STK3: variants seen among roughly 807,000 people sequenced by gnomAD.
STK3 encodes serine/threonine kinase 3, also known as serine/threonine-protein kinase 3.
In STK3, 41 loss-of-function variants were observed where a neutral mutation model predicts 58.0. That is an observed-to-expected ratio of 0.71 (90% CI 0.55 to 0.92). STK3 has a LOEUF of 0.92. STK3 is among the 40% of genes least tolerant of loss of function. The pLI, the probability that STK3 is intolerant of heterozygous loss-of-function variation, is 0.00. For synonymous variants in STK3, 170 were observed against 191.0 expected (o/e 0.89, Z 0.91); for missense variants, 479 against 602.7 (o/e 0.79, Z 2.15).
At chr8:98,625,437 C>T (rs968400730) in intron 6 of STK3, among the ~76,000 whole-genome samples, 1 of 152,162 alleles carries the variant, frequency 6.6e-6, no homozygotes, top group African/African-American at 2.4e-5. Context: ...CCCAGTCCCA[C>T]CTCTACAAGC....
chr8:98,684,037 C>A (rs1197249961), intron 6 of STK3, among the ~76,000 whole-genome samples: 1 of 152,132 alleles, frequency 6.6e-6, no homozygotes, highest in Non-Finnish European at 1.5e-5. Context: ...ATAAGATGTG[C>A]TGACTGAATT....
chr8:98,709,926 A>ATT (rs142232204), intron 4 of STK3, among the ~76,000 whole-genome samples: 180 of 150,522 alleles, frequency 1.2e-3, no homozygotes, highest in African/African-American at 4.2e-3. Context: ...AGTTTTTGCC[A>ATT]TTTTTTTTTT....
intron 1 of STK3, among the ~76,000 whole-genome samples, chr8:98,801,377 G>C (rs764186095): frequency 2.0e-5 from 3 of 152,060 alleles, no homozygotes; most frequent in Admixed American, 6.6e-5. Context: ...TAACCCGCTC[G>C]GTCCCCTTCC....
intron 1 of STK3, among the ~76,000 whole-genome samples, chr8:98,819,230 C>T (rs1198752491): frequency 6.6e-6 from 1 of 152,116 alleles, no homozygotes; most frequent in African/African-American, 2.4e-5. Context: ...GCAATTGTCC[C>T]ACCTCTACCT....
chr8:98,394,333 C>CA (rs1563591471), intron 3 of STK3, among the ~76,000 whole-genome samples: 1 of 149,714 alleles, frequency 6.7e-6, no homozygotes. Context: ...TCTGATTGAA[C>CA]TTTTTTTTTT....
At chr8:98,924,790 G>A (rs1274266338) in intron 1 of STK3, among the ~76,000 whole-genome samples, 1 of 152,176 alleles carries the variant, frequency 6.6e-6, no homozygotes, top group Admixed American at 6.6e-5. Flanking sequence ...CTAGGTCTGC[G>A]GAAAGCAGAA....
intron 6 of STK3, among the ~76,000 whole-genome samples, chr8:98,625,688 T>G (rs1316790205): frequency 6.6e-6 from 1 of 152,168 alleles, no homozygotes; most frequent in East Asian, 1.9e-4. Context: ...CGAATCTATT[T>G]GGCAAAATTT....
At chr8:98,840,473 A>G (rs1402378232) in intron 3 of STK3, among the ~76,000 whole-genome samples, 3 of 148,598 alleles carry the variant, frequency 2.0e-5, no homozygotes, top group Admixed American at 6.7e-5. Context: ...TCAGGAGACT[A>G]AGGCAGGAGG....
intron 6 of STK3, among the ~76,000 whole-genome samples, chr8:98,600,567 T>C (rs780132531): frequency 6.6e-6 from 1 of 152,210 alleles, no homozygotes; most frequent in Non-Finnish European, 1.5e-5. Context: ...TAGCATATGC[T>C]ACCTCACATT....
intron 1 of STK3, among the ~76,000 whole-genome samples, chr8:98,447,262 G>A (rs1214242317): frequency 1.3e-5 from 2 of 151,992 alleles, no homozygotes; most frequent in East Asian, 3.9e-4. Context: ...AAAAAAGAAG[G>A]TGAGACTTAT....
At chr8:98,697,665 G>C (rs974002557) in intron 6 of STK3, among the ~76,000 whole-genome samples, 1 of 152,154 alleles carries the variant, frequency 6.6e-6, no homozygotes. Flanking sequence ...TAGTTGAGTG[G>C]TTTTGAGTGA....
intron 10 of STK3, among the ~76,000 whole-genome samples, chr8:98,478,730 A>T (rs1300978881): frequency 1.3e-5 from 2 of 152,222 alleles, no homozygotes; most frequent in African/African-American, 2.4e-5. Flanking sequence ...GATGTTCTGA[A>T]GATTACATGA....
At chr8:98,656,777 T>C (rs530877903) in intron 6 of STK3, among the ~76,000 whole-genome samples, 2 of 152,134 alleles carry the variant, frequency 1.3e-5, no homozygotes, top group African/African-American at 2.4e-5. Flanking sequence ...TATAACTGTT[T>C]CTTCTTCATA....
Position 98,798,990 on chromosome 8 carries a change from G to T in STK3, c.27-24171C>A, listed in dbSNP as rs1210970082. Among the ~76,000 whole-genome samples the T allele has an allele frequency of 2.6e-5, 4 of 152,132 alleles. No individual in the cohort carries two copies. In the East Asian group the frequency reaches 7.7e-4, roughly 29 times the overall value. On this transcript the variant is annotated intron_variant, in intron 1 of 10. Transcript: ENST00000419617. ...TTGGAGGCAGAGAGCAGCCCTTATTGGACAACCAAACCTGCTGGCAGCTTG... is the reference window on the plus strand; with the variant it reads ...TTGGAGGCAGAGAGCAGCCCTTATTTGACAACCAAACCTGCTGGCAGCTTG...
intron 6 of STK3, among the ~76,000 whole-genome samples, chr8:98,705,830 AC>A (rs1284229990): frequency 6.6e-6 from 1 of 152,126 alleles, no homozygotes; most frequent in Non-Finnish European, 1.5e-5. Context: ...ATCATCACAA[AC>A]CCTGAAACAC....
intron 6 of STK3, among the ~76,000 whole-genome samples, chr8:98,606,773 C>A (rs1307089208): frequency 6.6e-6 from 1 of 152,202 alleles, no homozygotes. Context: ...CTCAGACAAT[C>A]ATATGGGTCT....
At chr8:98,817,453 CAA>C (rs61671053) in intron 1 of STK3, among the ~76,000 whole-genome samples, 2 of 128,972 alleles carry the variant, frequency 1.6e-5, no homozygotes, top group Non-Finnish European at 3.2e-5. Flanking sequence ...GACTCCATCT[CAA>C]AAAAAAAAAA....
chr8:98,682,722 C>T (rs1347798530), intron 6 of STK3, among the ~76,000 whole-genome samples: 6 of 152,008 alleles, frequency 3.9e-5, no homozygotes, highest in Admixed American at 6.6e-5. Flanking sequence ...TCAGGTATGA[C>T]TTGTCTTTCT....
chr8:98,441,771 T>C (rs1330932447), intron 1 of STK3, among the ~76,000 whole-genome samples: 1 of 152,202 alleles, frequency 6.6e-6, no homozygotes, highest in Non-Finnish European at 1.5e-5. Context: ...TCAAATTTGC[T>C]GGCCATCCCT....
Sources: gnomAD v4.1 joint callset for allele counts (sites outside exome capture counted in the v4.1 genomes callset) on GRCh38, gnomAD v4.1.1 for gene constraint, MANE v1.5 for transcripts, NCBI Gene and HGNC (gene_info 2026-07-23, HGNC 2026-07-21) for gene names.